The following LARP1B variants were observed in gnomAD, a reference collection of about 807,000 sequenced individuals.
LARP1B encodes la-related protein 1B.
In LARP1B, 76 loss-of-function variants were observed where a neutral mutation model predicts 114.2. The observed-to-expected ratio is 0.67, with a 90% CI of 0.55 to 0.81. The LOEUF (loss-of-function observed/expected upper bound fraction) is 0.81, where lower values mean the gene tolerates loss of function less well. LARP1B is among the 30% of genes least tolerant of loss of function. The probability of loss-of-function intolerance (pLI) is 0.00; values close to 1 mark genes in which losing one functional copy is unlikely to be tolerated. For synonymous variants in LARP1B, 345 were observed against 348.0 expected, an observed-to-expected ratio of 0.99 and a Z score of 0.10; for missense variants, 1,014 against 1,075.8, an observed-to-expected ratio of 0.94 and a Z score of 0.80.
intron 12 of LARP1B, among the ~76,000 whole-genome samples, chr4:128,166,349 A>G (rs1344742495): frequency 6.6e-6 from 1 of 151,772 alleles, no homozygotes; most frequent in Non-Finnish European, 1.5e-5. Flanking sequence ...CATCTCTATC[A>G]CCCTGTAAAA....
chr4:128,141,335 A>G (rs1307295842), intron 11 of LARP1B, among the ~76,000 whole-genome samples: 3 of 152,120 alleles, frequency 2.0e-5, no homozygotes, highest in African/African-American at 7.2e-5. Context: ...CTATCTCATG[A>G]TACCTTCCCC....
chr4:128,191,536 T>A (rs1752283654), intron 15 of LARP1B, among the ~76,000 whole-genome samples: 3 of 152,134 alleles, frequency 2.0e-5, no homozygotes, highest in Admixed American at 2.0e-4. Flanking sequence ...GAGCACTGCC[T>A]GTCAGATGGT....
intron 17 of LARP1B, among the ~76,000 whole-genome samples, chr4:128,204,646 ACT>A (rs1031904985): frequency 5.3e-5 from 8 of 150,964 alleles, no homozygotes; most frequent in African/African-American, 1.9e-4. Flanking sequence ...CAAGAGTAAA[ACT>A]CTGTCTCAAA....
chr4:128,168,747 A>G (rs1742227667), intron 12 of LARP1B, among the ~76,000 whole-genome samples: 1 of 151,332 alleles, frequency 6.6e-6, no homozygotes, highest in Non-Finnish European at 1.5e-5. Flanking sequence ...AGCCTTTTGT[A>G]CTATATTCAT....
chr4:128,201,192 G>C (rs1237562086), intron 17 of LARP1B, among the ~76,000 whole-genome samples: 2 of 152,172 alleles, frequency 1.3e-5, no homozygotes, highest in Admixed American at 6.5e-5. Context: ...ACCTGCACTT[G>C]GAAGTGGCAT....
At chr4:128,106,954 T>G (rs900568458) in intron 8 of LARP1B, among the ~76,000 whole-genome samples, 185 bp from the exon 9 acceptor site, 1 of 152,224 alleles carries the variant, frequency 6.6e-6, no homozygotes, top group South Asian at 2.1e-4. Context: ...GATCAGGATA[T>G]TTGTTACCTT....
chr4:128,184,968 G>A (rs965702037), intron 15 of LARP1B, among the ~76,000 whole-genome samples: 1 of 151,872 alleles, frequency 6.6e-6, no homozygotes, highest in Non-Finnish European at 1.5e-5. Flanking sequence ...TTATGTATGT[G>A]CCTATGTATG....
chr4:128,165,467 A>T (rs577342236), intron 12 of LARP1B, among the ~76,000 whole-genome samples: 2 of 150,940 alleles, frequency 1.3e-5, no homozygotes, highest in South Asian at 4.2e-4. Context: ...ACTTAAAAAA[A>T]TTCACTCTAT....
chr4:128,174,208 A>G (rs945353806), intron 12 of LARP1B, among the ~76,000 whole-genome samples: 18 of 152,146 alleles, frequency 1.2e-4, no homozygotes, highest in South Asian at 4.1e-4. Context: ...GAAAAATGCT[A>G]TTATGACTAT....
intron 11 of LARP1B, among the ~76,000 whole-genome samples, chr4:128,159,065 C>G (rs1462091916): frequency 4.6e-5 from 7 of 150,684 alleles, no homozygotes. Flanking sequence ...GTAGTGCCAG[C>G]TACAGGTTGA....
At chr4:128,177,690 G>A (rs1313166930) in intron 13 of LARP1B, among the ~76,000 whole-genome samples, 1 of 152,146 alleles carries the variant, frequency 6.6e-6, no homozygotes. Context: ...CCAGAATGTT[G>A]AATTGGAATT....
At chr4:128,137,791 A>ATAT (rs1414155026) in intron 11 of LARP1B, among the ~76,000 whole-genome samples, 173 of 63,554 alleles carry the variant, frequency 2.7e-3, no homozygotes, top group African/African-American at 7.2e-3. Context: ...ATATATATAT[A>ATAT]TTTTTTTTTT....
intron 9 of LARP1B, among the ~76,000 whole-genome samples, chr4:128,113,696 A>G (rs1784864475): frequency 6.6e-6 from 1 of 152,046 alleles, no homozygotes; most frequent in Admixed American, 6.6e-5. Flanking sequence ...TGTACTGTAT[A>G]GAAAGACCTT....
chr4:128,074,181 C>T (rs563683220), intron 1 of LARP1B, among the ~76,000 whole-genome samples: 91 of 152,124 alleles, frequency 6.0e-4, no homozygotes, highest in African/African-American at 2.1e-3. Flanking sequence ...CTCAGGTGAT[C>T]CACCCACCTC....
chr4:128,171,526 TCAAGCG>T (rs1301822641), intron 12 of LARP1B, among the ~76,000 whole-genome samples: 1 of 152,238 alleles, frequency 6.6e-6, no homozygotes, highest in Non-Finnish European at 1.5e-5. Flanking sequence ...TGTTTTACTT[TCAAGCG>T]TGTTTTAAAT....
At chr4:128,169,215 A>T (rs1441905316) in intron 12 of LARP1B, among the ~76,000 whole-genome samples, 2 of 151,516 alleles carry the variant, frequency 1.3e-5, no homozygotes, top group African/African-American at 4.8e-5. Flanking sequence ...TCATTGATTT[A>T]CTTTATTTTT....
chr4:128,182,777 T>C (rs1749003637), intron 15 of LARP1B, among the ~76,000 whole-genome samples: 1 of 152,168 alleles, frequency 6.6e-6, no homozygotes, highest in African/African-American at 2.4e-5. Flanking sequence ...AGCCAAAATA[T>C]GAAGGCAAAG....
chr4:128,114,831 A>T (rs1224941328), intron 10 of LARP1B, 89 bp downstream of exon 10: 1 of 1,231,404 alleles, frequency 8.1e-7, no homozygotes, highest in East Asian at 2.4e-5. Flanking sequence ...ACATATGTAA[A>T]ATTTGGAAAA....
chr4:128,138,660 T>G (rs1267245891), intron 11 of LARP1B, among the ~76,000 whole-genome samples: 2 of 152,032 alleles, frequency 1.3e-5, no homozygotes, highest in African/African-American at 4.8e-5. Context: ...ATTACCTAGG[T>G]ATAAAAAGGC....
Sources: gnomAD v4.1 joint callset for allele counts (sites outside exome capture counted in the v4.1 genomes callset) on GRCh38, gnomAD v4.1.1 for gene constraint, MANE v1.5 for transcripts, NCBI Gene and HGNC (gene_info 2026-07-23, HGNC 2026-07-21) for gene names.